Variants in SLC44A1 observed in about 807,000 individuals in gnomAD.
The protein encoded by SLC44A1 is choline transporter-like protein 1.
In SLC44A1, 26 loss-of-function variants were observed where a neutral mutation model predicts 79.3. The ratio of observed to expected loss-of-function variants is 0.33; its 90% CI spans 0.24 to 0.46. The LOEUF (loss-of-function observed/expected upper bound fraction) is 0.46, where lower values mean the gene tolerates loss of function less well. SLC44A1 is among the 20% of genes least tolerant of loss of function. SLC44A1 has a pLI of 1.00. For missense variants in SLC44A1, 688 were observed against 798.1 expected, an observed-to-expected ratio of 0.86 and a Z score of 1.66; for synonymous variants, 263 against 286.2, an observed-to-expected ratio of 0.92 and a Z score of 0.82.
chr9:105,279,536 T>C (rs1830299318), intron 1 of SLC44A1, among the ~76,000 whole-genome samples: 1 of 152,068 alleles, frequency 6.6e-6, no homozygotes, highest in Non-Finnish European at 1.5e-5. Context: ...CAGGATGGTC[T>C]CAATCTCTTG....
rs890106944 is a variant in SLC44A1, at chr9:105,351,673, A to AGAAAGAAAGAAAGAAAGAAAGAAAGAAC, written c.500+3225_500+3226insAGAAAGAAAGAAAGAAAGAAAGAACGAA. Among the ~76,000 whole-genome samples the AGAAAGAAAGAAAGAAAGAAAGAAAGAAC allele has an allele frequency of 1.4e-3, 207 of 146,622 alleles. 2 individuals are homozygous for AGAAAGAAAGAAAGAAAGAAAGAAAGAAC. The highest frequency in any genetic ancestry group is 2.7e-3 in the Non-Finnish European group (175 of 65,332). On this transcript the variant is annotated intron_variant, in intron 5 of 15. Transcript: ENST00000374720. ...AAGAAAGAAAGAAAGAAAGAAAGAA[A>AGAAAGAAAGAAAGAAAGAAAGAAAGAAC]GAACCAAGAAAAAAATGTTATCTGT... is the stretch of plus-strand genomic sequence containing the variant.
At chr9:105,377,740 C>T (rs1331338796) in intron 13 of SLC44A1, among the ~76,000 whole-genome samples, 8 of 150,046 alleles carry the variant, frequency 5.3e-5, no homozygotes, top group Non-Finnish European at 7.4e-5. Flanking sequence ...CCAGCCTAGG[C>T]GACAGAGCAA....
Position 105,280,812 on chromosome 9 carries a change from A to G in SLC44A1, c.37-18408A>G, listed in dbSNP as rs116121634. Among the ~76,000 whole-genome samples the G allele has an allele frequency of 4.1e-3, 629 of 152,308 alleles. 8 individuals are homozygous for G. The highest frequency in any genetic ancestry group is 0.014 in the African/African-American group (601 of 41,556). On this transcript the variant is annotated intron_variant, in intron 1 of 15. Coordinates refer to ENST00000374720, the MANE Select transcript of SLC44A1 (RefSeq NM_080546.5). ...AGATTTGCTACATTTGCTGATTTCC[A>G]TGGTGTATATACTCCCACTATGACT... is the stretch of plus-strand genomic sequence containing the variant.
intron 3 of SLC44A1, among the ~76,000 whole-genome samples, chr9:105,327,590 C>T (rs1826619226): frequency 6.6e-6 from 1 of 152,178 alleles, no homozygotes; most frequent in Non-Finnish European, 1.5e-5. Flanking sequence ...CCTGCATGAT[C>T]TAGCATCAGC....
chr9:105,408,938 A>T (rs564370713), intron 15 of SLC44A1, among the ~76,000 whole-genome samples: 17 of 152,318 alleles, frequency 1.1e-4, no homozygotes, highest in Admixed American at 1.0e-3. Context: ...TATAACCCCC[A>T]AGGTAACATT....
At chr9:105,326,682 A>G (rs1352448507) in intron 3 of SLC44A1, among the ~76,000 whole-genome samples, 5 of 152,262 alleles carry the variant, frequency 3.3e-5, no homozygotes. Flanking sequence ...GGATTTGCAC[A>G]TCAGATTTTG....
chr9:105,398,429 G>A (rs1053891772), downstream of SLC44A1, among the ~76,000 whole-genome samples: 1 of 152,128 alleles, frequency 6.6e-6, no homozygotes, highest in Admixed American at 6.5e-5. Flanking sequence ...AATATTAACC[G>A]ATCTGGACTG....
chr9:105,265,986 C>A (rs1348544347), intron 1 of SLC44A1, among the ~76,000 whole-genome samples: 1 of 152,050 alleles, frequency 6.6e-6, no homozygotes, highest in Admixed American at 6.6e-5. Context: ...GAGACATGGT[C>A]TAACTCTGTC....
In SLC44A1 at chr9:105,317,408, T is replaced by C. The variant is rs1475713677; in HGVS notation, c.269+7542T>C. Among the ~76,000 whole-genome samples, 4 of 152,168 alleles carry C rather than the reference T, an allele frequency of 2.6e-5. No homozygotes were observed. In the East Asian group the frequency reaches 5.8e-4, roughly 22 times the overall value. On this transcript the variant is annotated intron_variant, in intron 3 of 15. Transcript: ENST00000374720. ...GAAGGTAAGTTTATGGAGATGTCTT[T>C]GAAAATATTTTTTGTCATATTTTGG...
At chr9:105,359,948 G>C (rs1259022299) in intron 7 of SLC44A1, among the ~76,000 whole-genome samples, 1 of 152,094 alleles carries the variant, frequency 6.6e-6, no homozygotes, top group Non-Finnish European at 1.5e-5. Flanking sequence ...CATCGACTTT[G>C]CTTCAGTTTT....
intron 3 of SLC44A1, among the ~76,000 whole-genome samples, chr9:105,333,475 C>T (rs1826816829): frequency 6.6e-6 from 1 of 152,054 alleles, no homozygotes; most frequent in East Asian, 1.9e-4. Flanking sequence ...AGTAAGTACT[C>T]AATAAAATTG....
chr9:105,413,501 A>T (rs1274438101), intron 15 of SLC44A1, among the ~76,000 whole-genome samples: 1 of 152,186 alleles, frequency 6.6e-6, no homozygotes, highest in African/African-American at 2.4e-5. Flanking sequence ...ACAAACACCA[A>T]CAGAACCACA....
intron 9 of SLC44A1, among the ~76,000 whole-genome samples, chr9:105,363,883 A>G (rs1827859830): frequency 6.6e-6 from 1 of 152,232 alleles, no homozygotes; most frequent in South Asian, 2.1e-4. Flanking sequence ...ACTGACTCAG[A>G]CATTTAGATT....
At chr9:105,309,927 C>T in intron 3 of SLC44A1, 61 bp downstream of exon 3, 2 of 1,526,112 alleles carry the variant, frequency 1.3e-6, no homozygotes, top group Admixed American at 1.8e-5. Context: ...AGAGAAAATC[C>T]TGCTGTTCTT....
At chr9:105,280,457 A>G (rs57623416) in intron 1 of SLC44A1, among the ~76,000 whole-genome samples, 29 of 152,364 alleles carry the variant, frequency 1.9e-4, no homozygotes, top group African/African-American at 6.5e-4. Flanking sequence ...TTGTTGACCA[A>G]AAGTTAATGG....
chr9:105,388,514 A>G (rs951016289), intron 15 of SLC44A1, among the ~76,000 whole-genome samples: 1 of 152,222 alleles, frequency 6.6e-6, no homozygotes, highest in South Asian at 2.1e-4. Context: ...TTTTTAGCCT[A>G]TAAAATAATG....
chr9:105,435,008 G>A (rs911931084), intron 15 of SLC44A1, among the ~76,000 whole-genome samples: 2 of 152,144 alleles, frequency 1.3e-5, no homozygotes, highest in Non-Finnish European at 2.9e-5. Flanking sequence ...GTAACCAGGT[G>A]TGGTGGCACG....
intron 1 of SLC44A1, among the ~76,000 whole-genome samples, chr9:105,270,292 C>T (rs2131228716): frequency 6.6e-6 from 1 of 152,234 alleles, no homozygotes; most frequent in East Asian, 1.9e-4. Flanking sequence ...TTTACGTAAT[C>T]ATATCTGACA....
chr9:105,271,145 A>G (rs1397896242), intron 1 of SLC44A1, among the ~76,000 whole-genome samples: 1 of 152,162 alleles, frequency 6.6e-6, no homozygotes, highest in Non-Finnish European at 1.5e-5. Context: ...TCCTGGACAC[A>G]TTTCTCAAAT....
Sources: gnomAD v4.1 joint callset for allele counts (sites outside exome capture counted in the v4.1 genomes callset) on GRCh38, gnomAD v4.1.1 for gene constraint, MANE v1.5 for transcripts, NCBI Gene and HGNC (gene_info 2026-07-23, HGNC 2026-07-21) for gene names.